Variants in RNF113A observed in about 807,000 individuals in gnomAD.
RNF113A encodes the protein ring finger protein 113A.
For missense variants in RNF113A, 180 were observed against 285.4 expected (o/e 0.63, Z 2.66); for synonymous variants, 80 against 110.5 (o/e 0.72, Z 1.73).
chrX:119,870,797 C>T lies in RNF113A; in HGVS notation c.817G>A (p.Val273Ile), dbSNP rs949934343. The T allele has an allele frequency of 3.1e-5, 38 of 1,210,049 alleles. No individual in the cohort carries two copies. The highest frequency in any genetic ancestry group is 4.2e-5 in the Non-Finnish European group (38 of 895,308). The change falls in exon 1 of 1, where the codon GTT becomes ATT. Residue 273 changes from valine (V) to isoleucine (I), a missense_variant. Physicochemically the swap from Val to Ile is conservative, Grantham distance 29. Coordinates refer to ENST00000371442, the MANE Select transcript of RNF113A (RefSeq NM_006978.3). Reference sequence around the variant, plus strand: ...AAATAATGCCTGCACTTGGTGACAACTGGGTTTTGGAAGCTCTGGCGACAG... The same window carrying T: ...AAATAATGCCTGCACTTGGTGACAATTGGGTTTTGGAAGCTCTGGCGACAG... ...FICRQSFQNPVVTKCRHYFCE... is the reference protein window; with the variant it reads ...FICRQSFQNPIVTKCRHYFCE...
rs898191677 is a variant in RNF113A at position 119,871,148 on chromosome X, T to C, written c.466A>G (p.Ile156Val). ...TTCATGTATTTCTGATAATTGTTGATTCCCCGATAGATCTTGTCATCCTCC... is the reference window on the plus strand; with the variant it reads ...TTCATGTATTTCTGATAATTGTTGACTCCCCGATAGATCTTGTCATCCTCC... ...GKEDDKIYRG[I>V]NNYQKYMKPK... is the part of the protein sequence containing the mutation. The change falls in exon 1 of 1, where the codon ATC becomes GTC. Residue 156 changes from isoleucine (I) to valine (V), a missense_variant. Coordinates refer to ENST00000371442, the MANE Select transcript of RNF113A (RefSeq NM_006978.3). 3 of 1,210,786 alleles carry C rather than the reference T, an allele frequency of 2.5e-6. No homozygotes were observed. Among genetic ancestry groups the C allele is most frequent in the South Asian group, 1.8e-5 (1 of 56,969 alleles).
Position 119,871,497 on chromosome X carries a change from C to T in RNF113A, c.117G>A (p.Glu39=). The T allele has an allele frequency of 1.4e-5, 17 of 1,212,505 alleles. No homozygotes were observed. Among genetic ancestry groups the T allele is most frequent in the Non-Finnish European group, 1.9e-5 (17 of 895,667 alleles). Residue 39 remains glutamate, a synonymous_variant, in exon 1 of 1, where the codon GAG becomes GAA. Transcript: ENST00000371442. The part of the protein sequence containing the change: ...GRRKRPACDP[E]PGESGSSSDE... Reference sequence around the variant, plus strand: ...CGCTACTGCTGCCGCTTTCTCCGGGCTCTGGGTCGCAGGCCGGGCGCTTTC... The same window carrying T: ...CGCTACTGCTGCCGCTTTCTCCGGGTTCTGGGTCGCAGGCCGGGCGCTTTC...
Position 119,870,651 on chromosome X carries a change from T to G in RNF113A, c.963A>C (p.Arg321=). ...CGGAAGCACCACCCTCTCCTGTAGC[T>G]CGATGCTTCTCTAGTTTAGCAATCA... is the stretch of plus-strand genomic sequence containing the variant. ...KELIAKLEKH[R]ATGEGGASDL... The change falls in exon 1 of 1, where the codon CGA becomes CGC. Residue 321 remains arginine (R), a synonymous_variant. Transcript: ENST00000371442. The G allele has an allele frequency of 8.3e-7, 1 of 1,211,886 alleles. No individual in the cohort carries two copies. The highest frequency in any genetic ancestry group is 1.1e-6 in the Non-Finnish European group (1 of 895,496).
chrX:119,871,178 C>T lies in RNF113A; in HGVS notation c.436G>A (p.Gly146Ser). ...RSQKIQEELR[G>S]KEDDKIYRGI... ...CGATAGATCTTGTCATCCTCCTTGC[C>T]CCTCAGCTCCTCCTGGATCTTCTGG... Residue 146 changes from glycine to serine, a missense_variant, in exon 1 of 1, where the codon GGC (glycine) becomes AGC (serine). By Grantham distance (56) the Gly-to-Ser change is moderately conservative (BLOSUM62 0). Coordinates refer to ENST00000371442, the MANE Select transcript of RNF113A (RefSeq NM_006978.3). 1 of 1,211,015 alleles carries T rather than the reference C, an allele frequency of 8.3e-7. No homozygotes were observed. Among genetic ancestry groups the T allele is most frequent in the Non-Finnish European group, 1.1e-6 (1 of 895,565 alleles).
chrX:119,870,928 C>A lies in RNF113A; in HGVS notation c.686G>T (p.Gly229Val). The A allele has an allele frequency of 8.3e-7, 1 of 1,211,553 alleles. No individual in the cohort carries two copies. The highest frequency in any genetic ancestry group is 1.1e-6 in the Non-Finnish European group (1 of 895,510). The change falls in exon 1 of 1, where the codon GGG (glycine) becomes GTG (valine). Residue 229 changes from glycine to valine, a missense_variant. By Grantham distance (109) the Gly-to-Val change is moderately radical. Coordinates refer to ENST00000371442, the MANE Select transcript of RNF113A (RefSeq NM_006978.3). Reference protein sequence around the residue: ...FLHDRSDYKHGWQIERELDEG... With the variant: ...FLHDRSDYKHVWQIERELDEG... ...ATCAAGCTCACGTTCGATCTGCCAC[C>A]CATGCTTGTAATCTGAACGGTCATG...
chrX:119,871,702 G>C lies in RNF113A; in HGVS notation c.-89C>G. 4 of 1,021,575 alleles carry C rather than the reference G, an allele frequency of 3.9e-6. No individual in the cohort carries two copies. The highest frequency in any genetic ancestry group is 5.3e-6 in the Non-Finnish European group (4 of 747,741). 84.2% of individuals were successfully genotyped at this position (1,021,575 alleles called of 1,213,427 possible). Reference sequence around the variant, plus strand: ...CTCCACGTTGCGCGCTCCGCCGGGAGTCGAAGCAAAAGACACTGACGGAAG... The same window carrying C: ...CTCCACGTTGCGCGCTCCGCCGGGACTCGAAGCAAAAGACACTGACGGAAG... On this transcript the variant is annotated 5_prime_UTR_variant, in exon 1 of 1. Coordinates refer to ENST00000371442, the MANE Select transcript of RNF113A (RefSeq NM_006978.3).
chrX:119,871,640 C>T lies in RNF113A; in HGVS notation c.-27G>A. ...TTAGAGTCCTGAGCTCCGAAACAGC[C>T]GTGGCTGCCTGGGTTGCACTTGGCC... On this transcript the variant is annotated 5_prime_UTR_variant, in exon 1 of 1. Coordinates refer to ENST00000371442, the MANE Select transcript of RNF113A (RefSeq NM_006978.3). 8.6e-7 allele frequency: 1 copy of T among 1,159,379 alleles called. No individual in the cohort carries two copies. Among genetic ancestry groups the T allele is most frequent in the East Asian group, 3.0e-5 (1 of 33,533 alleles).
Position 119,870,586 on chromosome X carries a change from G to C in RNF113A, c.1028C>G (p.Thr343Ser). Residue 343 changes from threonine (T) to serine (S), a missense_variant, in exon 1 of 1, where the codon ACT becomes AGT. Coordinates refer to ENST00000371442, the MANE Select transcript of RNF113A (RefSeq NM_006978.3). ...AATTTAAGAATTATGGGAAACCTAA[G>C]TAATGGGAATTGCATCCTCATCGGG... ...EDPDEDAIPI[T>S] 1 of 1,188,341 alleles carries C rather than the reference G, an allele frequency of 8.4e-7. No homozygotes were observed. The highest frequency in any genetic ancestry group is 1.1e-6 in the Non-Finnish European group (1 of 883,104).
chrX:119,871,585 G>A lies in RNF113A; in HGVS notation c.29C>T (p.Ala10Val). 1 of 1,195,583 alleles carries A rather than the reference G, an allele frequency of 8.4e-7. No homozygotes were observed. The highest frequency in any genetic ancestry group is 1.1e-6 in the Non-Finnish European group (1 of 888,002). The change falls in exon 1 of 1, where the codon GCG becomes GTG. Residue 10 changes from alanine (A) to valine (V), a missense_variant. Transcript: ENST00000371442. MAEQLSPGK[A>V]VDQVCTFLFK... is the part of the protein sequence containing the mutation. ...AAGGAAGGTGCACACCTGATCCACC[G>A]CCTTTCCTGGAGAAAGCTGCTCTGC... is the stretch of plus-strand genomic sequence containing the variant.
At position 119,870,887 on chromosome X, in the gene RNF113A, C is replaced by T; in HGVS notation, c.727G>A (p.Val243Ile). 8.3e-7 allele frequency: 1 copy of T among 1,211,624 alleles called. No individual in the cohort carries two copies. Among genetic ancestry groups the T allele is most frequent in the Non-Finnish European group, 1.1e-6 (1 of 895,511 alleles). Reference protein sequence around the residue: ...ERELDEGRYGVYEDENYEVGS... With the variant: ...ERELDEGRYGIYEDENYEVGS... ...ACTTCATAGTTTTCATCCTCATAGA[C>T]ACCATAGCGACCCTCATCAAGCTCA... is the stretch of plus-strand genomic sequence containing the variant. The change falls in exon 1 of 1, where the codon GTC (valine) becomes ATC (isoleucine). Residue 243 changes from valine to isoleucine, a missense_variant. By Grantham distance (29) the Val-to-Ile change is conservative. Transcript: ENST00000371442.
rs769849012 is a variant in RNF113A at position 119,871,525 on chromosome X, C to A, written c.89G>T (p.Arg30Leu). 12 of 1,212,320 alleles carry A rather than the reference C, an allele frequency of 9.9e-6. No homozygotes were observed. In the South Asian group the frequency reaches 2.1e-4, roughly 21 times the overall value. ...TGGGTCGCAGGCCGGGCGCTTTCTG[C>A]GTCCAGCAGCCCCTTTCCGCCCAGG... ...KKPGRKGAAGRRKRPACDPEP... is the reference protein window; with the variant it reads ...KKPGRKGAAGLRKRPACDPEP... Residue 30 changes from arginine to leucine, a missense_variant, in exon 1 of 1, where the codon CGC becomes CTC. Transcript: ENST00000371442.
rs774848716 is a variant in RNF113A at position 119,871,331 on chromosome X, T to G, written c.283A>C (p.Ser95Arg). The G allele has an allele frequency of 1.7e-6, 2 of 1,211,524 alleles. No homozygotes were observed. Among genetic ancestry groups the G allele is most frequent in the East Asian group, 5.9e-5 (2 of 33,822 alleles). ...SEEEEENEPE[S>R]LGVVYKSTRS... Reference sequence around the variant, plus strand: ...GTGGATTTATAAACCACGCCGAGACTCTCGGGCTCATTTTCCTCTTCCTCT... The same window carrying G: ...GTGGATTTATAAACCACGCCGAGACGCTCGGGCTCATTTTCCTCTTCCTCT... Residue 95 changes from serine to arginine, a missense_variant, in exon 1 of 1, where the codon AGT (serine) becomes CGT (arginine). Physicochemically the swap from Ser to Arg is moderately radical, Grantham distance 110. Coordinates refer to ENST00000371442, the MANE Select transcript of RNF113A (RefSeq NM_006978.3).
In RNF113A at chrX:119,871,329, A is replaced by T. The variant is rs142377248; in HGVS notation, c.285T>A (p.Ser95Arg). 5.7e-4 allele frequency: 691 copies of T among 1,208,176 alleles called. 1 individual carries two copies. The highest frequency in any genetic ancestry group is 7.3e-4 in the Non-Finnish European group (655 of 894,834). ...GGGTGGATTTATAAACCACGCCGAG[A>T]CTCTCGGGCTCATTTTCCTCTTCCT... ...SEEEEENEPE[S>R]LGVVYKSTRS... Residue 95 changes from serine (S) to arginine (R), a missense_variant, in exon 1 of 1, where the codon AGT becomes AGA. By Grantham distance (110) the Ser-to-Arg change is moderately radical (BLOSUM62 -1). Transcript: ENST00000371442.
chrX:119,871,234 T>G lies in RNF113A; in HGVS notation c.380A>C (p.Glu127Ala). Residue 127 changes from glutamate to alanine, a missense_variant, in exon 1 of 1, where the codon GAG becomes GCG. Coordinates refer to ENST00000371442, the MANE Select transcript of RNF113A (RefSeq NM_006978.3). ...TAVYELDTEK[E>A]RDAQAIFERS... ...CTCAAAGATGGCTTGTGCATCGCGCTCTTTCTCTGTGTCCAGCTCATAGAC... is the reference window on the plus strand; with the variant it reads ...CTCAAAGATGGCTTGTGCATCGCGCGCTTTCTCTGTGTCCAGCTCATAGAC... 1 of 1,211,563 alleles carries G rather than the reference T, an allele frequency of 8.3e-7. No individual in the cohort carries two copies. The highest frequency in any genetic ancestry group is 1.7e-5 in the African/African-American group (1 of 57,832).
At position 119,870,879 on chromosome X, in the gene RNF113A, C is replaced by A. The variant is rs139996274; in HGVS notation, c.735G>T (p.Glu245Asp). 115 of 1,209,625 alleles carry A rather than the reference C, an allele frequency of 9.5e-5. No homozygotes were observed. The African/African-American group carries it at 1.8e-3, about 19-fold the overall frequency. ...ELDEGRYGVY[E>D]DENYEVGSDD... Reference sequence around the variant, plus strand: ...CGCTTCCCACTTCATAGTTTTCATCCTCATAGACACCATAGCGACCCTCAT... The same window carrying A: ...CGCTTCCCACTTCATAGTTTTCATCATCATAGACACCATAGCGACCCTCAT... The change falls in exon 1 of 1, where the codon GAG becomes GAT. Residue 245 changes from glutamate (E) to aspartate (D), a missense_variant. By Grantham distance (45) the Glu-to-Asp change is conservative (BLOSUM62 2). Coordinates refer to ENST00000371442, the MANE Select transcript of RNF113A (RefSeq NM_006978.3).
In RNF113A at chrX:119,870,525, G is replaced by A; in HGVS notation, c.*57C>T. ...TTTCTCTACAAAGGAAGGACACGAA[G>A]TAAGACTTCCAAAAGAACAAAACGT... On this transcript the variant is annotated 3_prime_UTR_variant, in exon 1 of 1. Transcript: ENST00000371442. 9.3e-7 allele frequency: 1 copy of A among 1,078,148 alleles called. No homozygotes were observed. Among genetic ancestry groups the A allele is most frequent in the Non-Finnish European group, 1.2e-6 (1 of 802,380 alleles). The allele number at this position is 1,078,148 out of a possible 1,213,427, so 88.9% of individuals were successfully genotyped here.
chrX:119,870,505 C>T lies in RNF113A; in HGVS notation c.*77G>A. ...CCACCCGCCTGCTCTGTCACTTTCT[C>T]TACAAAGGAAGGACACGAAGTAAGA... On this transcript the variant is annotated 3_prime_UTR_variant, in exon 1 of 1. Transcript: ENST00000371442. 5.0e-6 allele frequency: 5 copies of T among 1,000,881 alleles called. No homozygotes were observed. The highest frequency in any genetic ancestry group is 6.8e-6 in the Non-Finnish European group (5 of 737,697). 82.5% of individuals were successfully genotyped at this position (1,000,881 alleles called of 1,213,427 possible). A position where few individuals can be genotyped will look rare whatever the true frequency, so the allele number is the denominator to read the frequency against.
chrX:119,871,637 A>G lies in RNF113A; in HGVS notation c.-24T>C. The G allele has an allele frequency of 8.6e-7, 1 of 1,160,904 alleles. No individual in the cohort carries two copies. The highest frequency in any genetic ancestry group is 1.1e-6 in the Non-Finnish European group (1 of 870,098). On this transcript the variant is annotated 5_prime_UTR_variant, in exon 1 of 1. Transcript: ENST00000371442. ...ATTTTAGAGTCCTGAGCTCCGAAAC[A>G]GCCGTGGCTGCCTGGGTTGCACTTG...
In RNF113A at chrX:119,871,586, C is replaced by T. The variant is rs768160360; in HGVS notation, c.28G>A (p.Ala10Thr). MAEQLSPGK[A>T]VDQVCTFLFK... is the part of the protein sequence containing the mutation. ...AGGAAGGTGCACACCTGATCCACCG[C>T]CTTTCCTGGAGAAAGCTGCTCTGCC... The change falls in exon 1 of 1, where the codon GCG becomes ACG. Residue 10 changes from alanine to threonine, a missense_variant. Transcript: ENST00000371442. 5 of 1,196,241 alleles carry T rather than the reference C, an allele frequency of 4.2e-6. No homozygotes were observed. The East Asian group carries it at 1.5e-4, about 35-fold the overall frequency.
Sources: gnomAD v4.1 joint callset for allele counts on GRCh38, gnomAD v4.1.1 for gene constraint, MANE v1.5 for transcripts, NCBI Gene and HGNC (gene_info 2026-07-23, HGNC 2026-07-21) for gene names.